Variants in B2M observed in about 807,000 individuals in gnomAD.
B2M encodes the protein beta-2-microglobulin, also known as beta chain of MHC class I molecules.
Under a neutral mutation model 14.5 loss-of-function variants are expected in B2M, and 3 were observed. That is an observed-to-expected ratio of 0.21 (90% CI 0.09 to 0.53). The LOEUF is 0.53. Ranked by LOEUF, B2M falls within the 20% of genes least tolerant of loss-of-function variation. B2M has a pLI of 0.95. For missense variants in B2M, 107 were observed against 140.8 expected (o/e 0.76, Z 1.21); for synonymous variants, 45 against 52.7 (o/e 0.85, Z 0.64).
chr15:44,717,687 ACACTTT>A lies in B2M; in HGVS notation c.*96_*101del, dbSNP rs1245868083. 6.6e-6 allele frequency: 1 copy of A among 152,244 alleles called. No individual in the cohort carries two copies. The highest frequency in any genetic ancestry group is 6.5e-5 in the Admixed American group (1 of 15,284). The allele number at this position is 152,244 out of a possible 1,614,324, so 9.4% of individuals were successfully genotyped here. A position where few individuals can be genotyped will look rare whatever the true frequency, so the allele number is the denominator to read the frequency against. On this transcript the variant is annotated 3_prime_UTR_variant, in exon 4 of 4. Transcript: ENST00000648006. ...TTAATATTGATATGCTTATACACTT[ACACTTT>A]ATGCACAAAATGTAGGGTTATAATA...
rs752591118 is a variant in B2M at position 44,717,933 on chromosome 15, A to G, written c.*341A>G. ...AGCTTGTTAAGATAGTTAAGCGTGC[A>G]TAAGTTAACTTCCAATTTACATACT... On this transcript the variant is annotated 3_prime_UTR_variant, in exon 4 of 4. Coordinates refer to ENST00000648006, the MANE Select transcript of B2M (RefSeq NM_004048.4). The G allele has an allele frequency of 2.6e-5, 4 of 152,234 alleles. No individual in the cohort carries two copies. Among genetic ancestry groups the G allele is most frequent in the Non-Finnish European group, 5.9e-5 (4 of 68,048 alleles). The allele number at this position is 152,234 out of a possible 1,614,324, so 9.4% of individuals were successfully genotyped here.
chr15:44,716,310 T>C lies in B2M; in HGVS notation c.347-19T>C. 2 of 1,609,698 alleles carry C rather than the reference T, an allele frequency of 1.2e-6. No homozygotes were observed. The highest frequency in any genetic ancestry group is 1.7e-6 in the Non-Finnish European group (2 of 1,175,962). ...AAACTTAATGTCTTCCTTTTTTTTC[T>C]CCACTGTCTTTTTCATAGATCGAGA... On this transcript the variant is annotated intron_variant, in intron 2 of 3. Coordinates refer to ENST00000648006, the MANE Select transcript of B2M (RefSeq NM_004048.4).
chr15:44,713,201 A>G (rs2086906715), intron 1 of B2M: 2 of 152,182 alleles, frequency 1.3e-5, no homozygotes, highest in Non-Finnish European at 2.9e-5. Flanking sequence ...CATGATCGAA[A>G]GCAGAATGTT....
At position 44,711,538 on chromosome 15, in the gene B2M, C is replaced by A. The variant is rs775030921; in HGVS notation, c.-9C>A. The A allele has an allele frequency of 6.2e-7, 1 of 1,613,630 alleles. No homozygotes were observed. The highest frequency in any genetic ancestry group is 1.3e-5 in the African/African-American group (1 of 75,032). On this transcript the variant is annotated 5_prime_UTR_variant, in exon 1 of 4. Coordinates refer to ENST00000648006, the MANE Select transcript of B2M (RefSeq NM_004048.4). ...GGGCATTCCTGAAGCTGACAGCATTCGGGCCGAGATGTCTCGCTCCGTGGC... is the reference window on the plus strand; with the variant it reads ...GGGCATTCCTGAAGCTGACAGCATTAGGGCCGAGATGTCTCGCTCCGTGGC...
rs770847996 is a variant in B2M at position 44,711,531 on chromosome 15, C to A, written c.-16C>A. ...CGCTGGCGGGCATTCCTGAAGCTGA[C>A]AGCATTCGGGCCGAGATGTCTCGCT... On this transcript the variant is annotated 5_prime_UTR_variant, in exon 1 of 4. Transcript: ENST00000648006. 3.1e-6 allele frequency: 5 copies of A among 1,613,414 alleles called. No individual in the cohort carries two copies. Among genetic ancestry groups the A allele is most frequent in the Non-Finnish European group, 4.2e-6 (5 of 1,179,924 alleles).
At chr15:44,713,831 G>A (rs1320300394) in intron 1 of B2M, 1 of 152,176 alleles carries the variant, frequency 6.6e-6, no homozygotes, top group Non-Finnish European at 1.5e-5. Context: ...GATGGGGCTA[G>A]TAGCCTTTCC....
At chr15:44,715,878 G>A in intron 2 of B2M, 177 bp downstream of exon 2, 2 of 830,488 alleles carry the variant, frequency 2.4e-6, no homozygotes, top group African/African-American at 1.7e-5. Context: ...GATCAGATTA[G>A]TGGCACCTGC....
At chr15:44,715,921 C>T in intron 2 of B2M, 1 of 664,576 alleles carries the variant, frequency 1.5e-6, no homozygotes, top group South Asian at 1.8e-5. Flanking sequence ...GTTTCTGAAC[C>T]AGTAGTTTCC....
At chr15:44,713,813 C>T (rs2086913429) in intron 1 of B2M, 1 of 152,084 alleles carries the variant, frequency 6.6e-6, no homozygotes. Flanking sequence ...TTCCCCAATC[C>T]ACCTCTTGAT....
chr15:44,715,374 A>G, intron 1 of B2M, 49 bp from the exon 2 acceptor site: 1 of 1,588,718 alleles, frequency 6.3e-7, no homozygotes, highest in Non-Finnish European at 8.6e-7. Context: ...GTTAGCCCCA[A>G]GTGAAATACC....
chr15:44,718,088 G>A lies in B2M; in HGVS notation c.*496G>A, dbSNP rs1304162964. 1 of 152,206 alleles carries A rather than the reference G, an allele frequency of 6.6e-6. No homozygotes were observed. The highest frequency in any genetic ancestry group is 1.5e-5 in the Non-Finnish European group (1 of 68,040). The allele number at this position is 152,206 out of a possible 1,614,324, so 9.4% of individuals were successfully genotyped here. A position where few individuals can be genotyped will look rare whatever the true frequency, so the allele number is the denominator to read the frequency against. ...TTATACATTTGATAAAGTAAGGCATGGTTGTGGTTAATCTGGTTTATTTTT... is the reference window on the plus strand; with the variant it reads ...TTATACATTTGATAAAGTAAGGCATAGTTGTGGTTAATCTGGTTTATTTTT... On this transcript the variant is annotated 3_prime_UTR_variant, in exon 4 of 4. Coordinates refer to ENST00000648006, the MANE Select transcript of B2M (RefSeq NM_004048.4).
At chr15:44,716,300 C>CA in intron 2 of B2M, 29 bp from the exon 3 acceptor site, 1 of 1,605,656 alleles carries the variant, frequency 6.2e-7, no homozygotes, top group Non-Finnish European at 8.5e-7. Context: ...TAATGTCTTC[C>CA]TTTTTTTTCT....
chr15:44,715,666 A>G lies in B2M; in HGVS notation c.311A>G (p.His104Arg), dbSNP rs781076330. The change falls in exon 2 of 4, where the codon CAT becomes CGT. Residue 104 changes from histidine (H) to arginine (R), a missense_variant. Transcript: ENST00000648006. The part of the protein sequence containing the change: ...EKDEYACRVN[H>R]VTLSQPKIVK... ...GATGAGTATGCCTGCCGTGTGAACCATGTGACTTTGTCACAGCCCAAGATA... is the reference window on the plus strand; with the variant it reads ...GATGAGTATGCCTGCCGTGTGAACCGTGTGACTTTGTCACAGCCCAAGATA... 6.2e-7 allele frequency: 1 copy of G among 1,614,234 alleles called. No individual in the cohort carries two copies. The highest frequency in any genetic ancestry group is 8.5e-7 in the Non-Finnish European group (1 of 1,180,034).
At chr15:44,716,618 A>T in intron 3 of B2M, 1 of 533,680 alleles carries the variant, frequency 1.9e-6, no homozygotes, top group Non-Finnish European at 3.3e-6. Flanking sequence ...GGATAAAGGC[A>T]GGTGGTTACC....
intron 1 of B2M, chr15:44,713,173 C>T (rs1457649444): frequency 1.3e-5 from 2 of 152,094 alleles, no homozygotes; most frequent in African/African-American, 4.8e-5. Flanking sequence ...AGCGCGCTCA[C>T]CTTTTCCTCT....
At chr15:44,715,391 A>T in intron 1 of B2M, 32 bp from the exon 2 acceptor site, 1 of 1,606,076 alleles carries the variant, frequency 6.2e-7, no homozygotes, top group Non-Finnish European at 8.5e-7. Context: ...TACCCTGGCA[A>T]TATTAATGTG....
chr15:44,711,722 T>A, intron 1 of B2M, 109 bp downstream of exon 1: 1 of 1,367,348 alleles, frequency 7.3e-7, no homozygotes, highest in Non-Finnish European at 1.0e-6. Flanking sequence ...AAGTTCTCCT[T>A]GGTGGCCCGC....
intron 1 of B2M, chr15:44,715,173 C>G (rs1258755307): frequency 1.8e-6 from 1 of 563,228 alleles, no homozygotes; most frequent in Non-Finnish European, 3.2e-6. Context: ...TGCTAGAAAT[C>G]TGCTAGAAAA....
At chr15:44,711,734 G>C in intron 1 of B2M, 121 bp downstream of exon 1, 1 of 1,267,392 alleles carries the variant, frequency 7.9e-7, no homozygotes, top group Non-Finnish European at 1.1e-6. Context: ...GTGGCCCGCC[G>C]TGGGGCTAGT....
Sources: allele counts gnomAD v4.1 joint callset, GRCh38; gene constraint gnomAD v4.1.1; transcripts MANE v1.5; gene names NCBI Gene and HGNC (gene_info 2026-07-23, HGNC 2026-07-21).